The following ERC2 variants were observed in gnomAD, a reference collection of about 807,000 sequenced individuals.
The protein encoded by ERC2 is ELKS/RAB6-interacting/CAST family member 2.
A neutral mutation model predicts 114.8 loss-of-function variants in ERC2; 42 were observed. The observed-to-expected ratio is 0.37, with a 90% CI of 0.29 to 0.47. The LOEUF is 0.47. Ranked by LOEUF, ERC2 falls within the 20% of genes least tolerant of loss-of-function variation. The probability of loss-of-function intolerance (pLI) is 0.99; values close to 1 mark genes in which losing one functional copy is unlikely to be tolerated. For synonymous variants in ERC2, 454 were observed against 425.5 expected (o/e 1.07, Z -0.82); for missense variants, 939 against 1,150.7 (o/e 0.82, Z 2.66).
intron 6 of ERC2, among the ~76,000 whole-genome samples, chr3:56,125,716 T>C (rs973757031): frequency 1.3e-5 from 2 of 152,200 alleles, no homozygotes; most frequent in Admixed American, 6.5e-5. Context: ...AAAGTTAAAA[T>C]GACTCTTTCC....
At chr3:55,842,286 A>C (rs1404743090) in intron 14 of ERC2, among the ~76,000 whole-genome samples, 2 of 152,090 alleles carry the variant, frequency 1.3e-5, no homozygotes, top group African/African-American at 4.8e-5. Context: ...AAAAAATTGC[A>C]CCCTTTTAGA....
At chr3:55,797,637 T>C (rs923111989) in intron 14 of ERC2, among the ~76,000 whole-genome samples, 4 of 152,114 alleles carry the variant, frequency 2.6e-5, no homozygotes, top group Non-Finnish European at 5.9e-5. Context: ...TAGATATACA[T>C]CCCCAATGGC....
At chr3:55,618,220 T>G (rs558880689) in intron 17 of ERC2, among the ~76,000 whole-genome samples, 1 of 151,886 alleles carries the variant, frequency 6.6e-6, no homozygotes, top group African/African-American at 2.4e-5. Flanking sequence ...GGAGTTAAAT[T>G]GGAAAAGCAA....
intron 6 of ERC2, among the ~76,000 whole-genome samples, chr3:56,082,740 T>C (rs952937209): frequency 3.3e-5 from 5 of 152,130 alleles, no homozygotes; most frequent in African/African-American, 1.2e-4. Flanking sequence ...CCCCAACCCT[T>C]GGACCAGTTC....
intron 14 of ERC2, among the ~76,000 whole-genome samples, chr3:55,861,133 TA>T (rs2062010144): frequency 6.6e-6 from 1 of 152,236 alleles, no homozygotes; most frequent in Non-Finnish European, 1.5e-5. Flanking sequence ...TTTGAAAGTT[TA>T]ATTAGTTCTA....
At chr3:55,735,203 C>T (rs934861370) in intron 14 of ERC2, among the ~76,000 whole-genome samples, 1 of 152,138 alleles carries the variant, frequency 6.6e-6, no homozygotes, top group African/African-American at 2.4e-5. Context: ...CACATTTATC[C>T]ACCCATCCAA....
intron 14 of ERC2, among the ~76,000 whole-genome samples, chr3:55,774,400 T>C (rs2068446840): frequency 6.6e-6 from 1 of 152,228 alleles, no homozygotes; most frequent in African/African-American, 2.4e-5. Flanking sequence ...TGGAGCAGGA[T>C]ACAAAGCACT....
chr3:55,959,020 C>G (rs2068174269), intron 12 of ERC2, among the ~76,000 whole-genome samples: 1 of 152,124 alleles, frequency 6.6e-6, no homozygotes, highest in African/African-American at 2.4e-5. Flanking sequence ...AGCTGTGCCT[C>G]CCCACTGCAG....
At chr3:55,815,727 C>T (rs933585257) in intron 14 of ERC2, among the ~76,000 whole-genome samples, 2 of 152,172 alleles carry the variant, frequency 1.3e-5, no homozygotes, top group African/African-American at 2.4e-5. Flanking sequence ...AAAACTAACG[C>T]GGGGGATTCC....
chr3:55,790,586 G>A (rs765145782), intron 14 of ERC2, among the ~76,000 whole-genome samples: 5 of 152,102 alleles, frequency 3.3e-5, no homozygotes, highest in Admixed American at 2.6e-4. Flanking sequence ...AGATAACAGC[G>A]GAAGGAAAAT....
chr3:55,618,947 C>A (rs1220605202), intron 17 of ERC2, among the ~76,000 whole-genome samples: 1 of 152,140 alleles, frequency 6.6e-6, no homozygotes, highest in African/African-American at 2.4e-5. Context: ...TTTGGTCTTG[C>A]CTTATCAGCA....
At chr3:56,203,908 C>A (rs13096822) in intron 3 of ERC2, among the ~76,000 whole-genome samples, 4 of 152,200 alleles carry the variant, frequency 2.6e-5, no homozygotes, top group East Asian at 1.9e-4. Context: ...CAGGCCGGGC[C>A]TGGTGGCTTA....
At chr3:56,005,382 C>G (rs938567528) in intron 10 of ERC2, among the ~76,000 whole-genome samples, 1 of 151,930 alleles carries the variant, frequency 6.6e-6, no homozygotes, top group Non-Finnish European at 1.5e-5. Flanking sequence ...TCAAAGGAAA[C>G]CACACACTCT....
intron 14 of ERC2, among the ~76,000 whole-genome samples, chr3:55,773,725 G>A (rs2068395549): frequency 6.6e-6 from 1 of 152,058 alleles, no homozygotes; most frequent in Non-Finnish European, 1.5e-5. Context: ...ATTTCAATTT[G>A]TTTTTTAAAA....
At chr3:55,895,029 T>G (rs2063778802) in intron 13 of ERC2, among the ~76,000 whole-genome samples, 1 of 152,160 alleles carries the variant, frequency 6.6e-6, no homozygotes, top group African/African-American at 2.4e-5. Flanking sequence ...AAACTGCCCA[T>G]TCTTTAAGGC....
At chr3:55,741,641 G>A (rs1370585180) in intron 14 of ERC2, among the ~76,000 whole-genome samples, 8 of 152,102 alleles carry the variant, frequency 5.3e-5, no homozygotes, top group African/African-American at 1.9e-4. Flanking sequence ...ACAGTTAGTA[G>A]GTTTAAGTAT....
chr3:55,699,329 T>TA (rs751525976), intron 16 of ERC2, 49 bp downstream of exon 16: 6 of 1,607,486 alleles, frequency 3.7e-6, no homozygotes, highest in Non-Finnish European at 5.1e-6. Flanking sequence ...TATCTTAAAA[T>TA]ATCTAAAGGG....
intron 14 of ERC2, among the ~76,000 whole-genome samples, chr3:55,833,767 T>A (rs1438510489): frequency 2.0e-5 from 3 of 152,056 alleles, no homozygotes; most frequent in African/African-American, 7.2e-5. Context: ...CAATATTAAC[T>A]TTAAATGTAA....
chr3:56,145,309 C>A (rs1490253629), intron 5 of ERC2, among the ~76,000 whole-genome samples: 2 of 152,032 alleles, frequency 1.3e-5, no homozygotes, highest in Non-Finnish European at 2.9e-5. Context: ...ACACTGGAAA[C>A]AGAGGGAGCA....
Sources: allele counts gnomAD v4.1 joint callset (sites outside exome capture counted in the v4.1 genomes callset), GRCh38; gene constraint gnomAD v4.1.1; transcripts MANE v1.5; gene names NCBI Gene and HGNC (gene_info 2026-07-23, HGNC 2026-07-21).